TANK: variants seen among roughly 807,000 people sequenced by gnomAD.
TANK encodes TRAF family member-associated NF-kappa-B activator.
In TANK, 15 loss-of-function variants were observed where a neutral mutation model predicts 43.6. The ratio of observed to expected loss-of-function variants is 0.34; its 90% confidence interval spans 0.23 to 0.53. The LOEUF (loss-of-function observed/expected upper bound fraction) is 0.53. Among genes scored for constraint, TANK ranks in the 20% least tolerant of loss-of-function variants. The pLI is 0.94. For synonymous variants in TANK, 162 were observed against 178.2 expected (o/e 0.91, Z 0.73); for missense variants, 417 against 498.6 (o/e 0.84, Z 1.56).
intron 1 of TANK, among the ~76,000 whole-genome samples, chr2:161,175,640 A>T (rs535019356): frequency 8.5e-5 from 13 of 152,148 alleles, no homozygotes; most frequent in African/African-American, 3.1e-4. Context: ...TGCTCATGCT[A>T]CCTCTCTTAC....
intron 4 of TANK, among the ~76,000 whole-genome samples, chr2:161,208,903 C>T (rs1450372593): frequency 2.0e-5 from 3 of 152,168 alleles, no homozygotes; most frequent in Non-Finnish European, 4.4e-5. Flanking sequence ...AATTAAGCTG[C>T]ACCCCTTGAA....
At chr2:161,199,468 T>C (rs575883599) in intron 2 of TANK, among the ~76,000 whole-genome samples, 1 of 152,060 alleles carries the variant, frequency 6.6e-6, no homozygotes, top group East Asian at 1.9e-4. Context: ...ATACCAGCAA[T>C]AGGAAACAAT....
upstream of TANK, among the ~76,000 whole-genome samples, chr2:161,157,930 C>T (rs185245851): frequency 7.2e-5 from 11 of 152,294 alleles, no homozygotes; most frequent in East Asian, 1.9e-3. Flanking sequence ...GTGATCAGCC[C>T]GCCTTGGCCT....
At chr2:161,232,826 T>C in intron 7 of TANK, 1 of 1,550,638 alleles carries the variant, frequency 6.4e-7, no homozygotes. Flanking sequence ...GATTACAACT[T>C]GATGGAAAAG....
chr2:161,201,733 G>A (rs1351872169), intron 2 of TANK, among the ~76,000 whole-genome samples: 1 of 151,980 alleles, frequency 6.6e-6, no homozygotes, highest in African/African-American at 2.4e-5. Context: ...GTAGATTTTT[G>A]GATCCTTCAT....
At chr2:161,156,562 G>T (rs144233231), upstream of TANK, among the ~76,000 whole-genome samples, 5 of 152,162 alleles carry the variant, frequency 3.3e-5, no homozygotes, top group African/African-American at 4.8e-5. Context: ...TTTTCAAAGG[G>T]ATGCTTTCTC....
At chr2:161,161,304 AT>A in intron 1 of TANK, 1 of 1,550,636 alleles carries the variant, frequency 6.4e-7, no homozygotes, top group Non-Finnish European at 8.7e-7. Context: ...TTGACAAGTT[AT>A]AATAAGGGAG....
chr2:161,198,148 A>G (rs747892479), intron 2 of TANK, among the ~76,000 whole-genome samples: 1 of 152,246 alleles, frequency 6.6e-6, no homozygotes, highest in African/African-American at 2.4e-5. Flanking sequence ...CCAAAAGACA[A>G]TAGTGGGACA....
At chr2:161,151,315 C>G (rs563830953) in intron 1 of TANK, among the ~76,000 whole-genome samples, 1 of 152,164 alleles carries the variant, frequency 6.6e-6, no homozygotes, top group Non-Finnish European at 1.5e-5. Context: ...TTCAAGTTGT[C>G]TATTTTCTTT....
intron 1 of TANK, chr2:161,161,116 A>T: frequency 8.2e-7 from 1 of 1,212,374 alleles, no homozygotes; most frequent in Non-Finnish European, 1.1e-6. Flanking sequence ...TAGAGTCCTC[A>T]CGCCGGTGTA....
Position 161,137,121 on chromosome 2 carries a change from C to T in TANK, c.-50+58C>T, listed in dbSNP as rs1683609062. The T allele has an allele frequency of 8.1e-6, 8 of 985,448 alleles. No individual in the cohort carries two copies. In the South Asian group the frequency reaches 3.3e-4, roughly 41 times the overall value. The allele number at this position is 985,448 out of a possible 1,614,324, so 61.0% of individuals were successfully genotyped here. On this transcript the variant is annotated intron_variant, in intron 1 of 7. Transcript: ENST00000259075. The stretch of plus-strand genomic sequence containing the variant: ...TAACCTAGGAAAGGGGCCTGGATGT[C>T]TTAAACTGAAGTGTTGCAGATGTGT...
At chr2:161,203,007 G>T in intron 2 of TANK, 2 of 309,496 alleles carry the variant, frequency 6.5e-6, no homozygotes, top group Non-Finnish European at 1.3e-5. Flanking sequence ...ATTTGCATTT[G>T]TCCCTTTGAT....
chr2:161,157,777 G>A (rs117558261), upstream of TANK, among the ~76,000 whole-genome samples: 6,278 of 152,060 alleles, frequency 0.041, 279 homozygotes, highest in East Asian at 0.19. Flanking sequence ...TCTGCCTTCC[G>A]GGTTCAAGTG....
At chr2:161,170,719 T>C (rs1410742935) in intron 1 of TANK, among the ~76,000 whole-genome samples, 1 of 152,160 alleles carries the variant, frequency 6.6e-6, no homozygotes, top group Non-Finnish European at 1.5e-5. Context: ...TGCGAACCAA[T>C]GTCCTACAGC....
upstream of TANK, among the ~76,000 whole-genome samples, chr2:161,158,179 A>C (rs1313367372): frequency 6.6e-6 from 1 of 152,226 alleles, no homozygotes; most frequent in Non-Finnish European, 1.5e-5. Context: ...ACACCTGGTC[A>C]GTTCCCCATT....
In TANK at chr2:161,231,421, A is replaced by G; in HGVS notation, c.971A>G (p.Asp324Gly). 1 of 1,614,224 alleles carries G rather than the reference A, an allele frequency of 6.2e-7. No homozygotes were observed. Among genetic ancestry groups the G allele is most frequent in the Non-Finnish European group, 8.5e-7 (1 of 1,180,036 alleles). Residue 324 changes from aspartate to glycine, a missense_variant, in exon 7 of 8, where the codon GAT (aspartate) becomes GGT (glycine). By Grantham distance (94) the Asp-to-Gly change is moderately conservative (BLOSUM62 -1). Coordinates refer to ENST00000392749, the MANE Select transcript of TANK (RefSeq NM_001199135.3). ...LVNTCIRTTL[D>G]RAACLPPGDH... ...AACACTTGTATCAGGACAACTCTGG[A>G]TAGAGCTGCGTGTTTGCCACCTGGA...
intron 4 of TANK, among the ~76,000 whole-genome samples, chr2:161,210,801 C>G (rs980985418): frequency 6.6e-6 from 1 of 151,820 alleles, no homozygotes; most frequent in African/African-American, 2.4e-5. Context: ...TTAAGATAGG[C>G]TTGATCAAGG....
chr2:161,170,284 T>C (rs989525806), intron 1 of TANK, among the ~76,000 whole-genome samples: 3 of 152,100 alleles, frequency 2.0e-5, no homozygotes, highest in Admixed American at 6.5e-5. Context: ...GAGAAAACAT[T>C]TGTTTTCTCT....
chr2:161,167,727 ATTC>A (rs1684751765), intron 1 of TANK, among the ~76,000 whole-genome samples: 1 of 152,024 alleles, frequency 6.6e-6, no homozygotes. Flanking sequence ...GGTTCACTCC[ATTC>A]TTCTGCCTCA....
Sources: gnomAD v4.1 joint callset for allele counts (sites outside exome capture counted in the v4.1 genomes callset) on GRCh38, gnomAD v4.1.1 for gene constraint, MANE v1.5 for transcripts, NCBI Gene and HGNC (gene_info 2026-07-23, HGNC 2026-07-21) for gene names.